LIMS1: variants seen among roughly 807,000 people sequenced by gnomAD.
LIMS1 encodes LIM zinc finger domain containing 1.
LIMS1 carries 18 observed loss-of-function variants against 44.1 expected under a neutral mutation model. The observed-to-expected ratio is 0.41, with a 90% CI of 0.28 to 0.61. The LOEUF is 0.61. Among genes scored for constraint, LIMS1 ranks in the 20% least tolerant of loss-of-function variants. LIMS1 has a pLI of 0.32. For synonymous variants in LIMS1, 93 were observed against 149.1 expected, an observed-to-expected ratio of 0.62 and a Z score of 2.74; for missense variants, 201 against 422.0, an observed-to-expected ratio of 0.48 and a Z score of 4.59.
At chr2:108,572,018 A>G (rs1451515449) in intron 1 of LIMS1, among the ~76,000 whole-genome samples, 3 of 152,230 alleles carry the variant, frequency 2.0e-5, no homozygotes, top group South Asian at 4.1e-4. Context: ...TAGTGTAGCA[A>G]TGCCAAAACT....
chr2:108,591,053 G>A (rs546145274), intron 1 of LIMS1, among the ~76,000 whole-genome samples: 2 of 152,314 alleles, frequency 1.3e-5, no homozygotes, highest in African/African-American at 4.8e-5. Flanking sequence ...CTTGAGGGCA[G>A]TGTAAAGTTT....
intron 2 of LIMS1, among the ~76,000 whole-genome samples, chr2:108,661,746 G>A (rs1025680351): frequency 1.3e-5 from 2 of 152,102 alleles, no homozygotes; most frequent in African/African-American, 4.8e-5. Flanking sequence ...CTTCTACCTC[G>A]GCACCATGGA....
exon 6 of LIMS1, chr2:108,675,977 G>T (rs753234575): frequency 4.3e-6 from 7 of 1,614,040 alleles, no homozygotes; most frequent in Non-Finnish European, 5.9e-6. Flanking sequence ...CTTGCCGACG[G>T]CCCATCGAAG....
intron 1 of LIMS1, among the ~76,000 whole-genome samples, chr2:108,601,807 G>A (rs1386697019): frequency 2.0e-5 from 3 of 152,208 alleles, no homozygotes; most frequent in Non-Finnish European, 4.4e-5. Context: ...GTGAGCCACT[G>A]CACCCAGCCT....
At chr2:108,669,444 T>A (rs1692013899) in intron 2 of LIMS1, among the ~76,000 whole-genome samples, 1 of 152,106 alleles carries the variant, frequency 6.6e-6, no homozygotes, top group Non-Finnish European at 1.5e-5. Flanking sequence ...GAAAATCTGC[T>A]TTGGTTGGTT....
chr2:108,586,581 G>T (rs1000992466), intron 1 of LIMS1, among the ~76,000 whole-genome samples: 1 of 152,174 alleles, frequency 6.6e-6, no homozygotes. Flanking sequence ...TGCGAGTGGC[G>T]CATGGCTTCA....
intron 1 of LIMS1, among the ~76,000 whole-genome samples, chr2:108,591,295 T>C (rs1031760592): frequency 1.1e-4 from 16 of 152,062 alleles, no homozygotes; most frequent in African/African-American, 3.9e-4. Flanking sequence ...ATGCCAGATG[T>C]GTGAACATCC....
intron 7 of LIMS1, chr2:108,677,187 T>G (rs1395360098): frequency 6.5e-6 from 1 of 153,372 alleles, no homozygotes; most frequent in Admixed American, 6.5e-5. Context: ...GCTGTGATGT[T>G]TCTTTAGCCT....
chr2:108,648,366 A>C (rs778273043), intron 1 of LIMS1, among the ~76,000 whole-genome samples: 3 of 152,098 alleles, frequency 2.0e-5, no homozygotes, highest in Non-Finnish European at 2.9e-5. Flanking sequence ...GGAAGAATCA[A>C]TTTTGGGCTA....
intron 1 of LIMS1, among the ~76,000 whole-genome samples, chr2:108,631,832 A>G (rs889520628): frequency 6.6e-6 from 1 of 152,196 alleles, no homozygotes; most frequent in African/African-American, 2.4e-5. Context: ...GACCAAGACC[A>G]CACTTCTGTC....
intron 1 of LIMS1, among the ~76,000 whole-genome samples, chr2:108,653,795 T>C (rs969930695): frequency 5.1e-5 from 7 of 136,878 alleles, no homozygotes; most frequent in Non-Finnish European, 9.5e-5. Flanking sequence ...CATCAATCAA[T>C]ATATGTAAGA....
At chr2:108,580,198 G>A (rs372443565) in intron 1 of LIMS1, among the ~76,000 whole-genome samples, 2 of 152,196 alleles carry the variant, frequency 1.3e-5, no homozygotes, top group African/African-American at 4.8e-5. Context: ...CGGTGTCTCT[G>A]CAGAACTTGT....
intron 1 of LIMS1, among the ~76,000 whole-genome samples, chr2:108,576,763 G>C (rs1010177675): frequency 2.6e-5 from 4 of 152,132 alleles, no homozygotes; most frequent in African/African-American, 9.7e-5. Context: ...GAAGCTAAGG[G>C]ACAAAGTTCC....
In LIMS1 at chr2:108,618,087, G is replaced by A. The variant is rs541192357; in HGVS notation, c.33-41518G>A. ...TGTCCATGAAGAGACAAACTCCCAG[G>A]TCATAGATATTGTATAGGGATGAGG... On this transcript the variant is annotated intron_variant, in intron 1 of 9. Coordinates refer to ENST00000544547, the Ensembl canonical transcript of LIMS1. 5.3e-5 allele frequency among the ~76,000 whole-genome samples: 8 copies of A among 152,164 alleles called. 1 individual carries two copies. In the South Asian group the frequency reaches 1.7e-3, roughly 32 times the overall value.
chr2:108,591,548 C>T (rs1686393457), intron 1 of LIMS1, among the ~76,000 whole-genome samples: 1 of 152,110 alleles, frequency 6.6e-6, no homozygotes, highest in African/African-American at 2.4e-5. Flanking sequence ...CAGCCTTGAC[C>T]TCCTGGGCTC....
At chr2:108,677,036 A>G (rs955500238) in intron 7 of LIMS1, 1 of 226,034 alleles carries the variant, frequency 4.4e-6, no homozygotes, top group Non-Finnish European at 8.7e-6. Flanking sequence ...TTCAGTGTAT[A>G]TTTCCCAAGA....
intron 1 of LIMS1, among the ~76,000 whole-genome samples, chr2:108,625,730 C>A (rs1009939742): frequency 2.6e-5 from 4 of 152,210 alleles, no homozygotes; most frequent in African/African-American, 9.7e-5. Flanking sequence ...AAGTAGTACC[C>A]TTCTCCTGAT....
At chr2:108,646,139 C>T (rs566404294) in intron 1 of LIMS1, among the ~76,000 whole-genome samples, 5 of 152,166 alleles carry the variant, frequency 3.3e-5, no homozygotes, top group African/African-American at 9.6e-5. Flanking sequence ...CTGGACCAAG[C>T]GGGCCTAATA....
intron 5 of LIMS1, among the ~76,000 whole-genome samples, chr2:108,674,189 G>T (rs1464976088): frequency 6.6e-6 from 1 of 151,812 alleles, no homozygotes; most frequent in East Asian, 1.9e-4. Flanking sequence ...AATTAGCCGG[G>T]CACGGTGGCG....
Sources: allele counts gnomAD v4.1 joint callset (sites outside exome capture counted in the v4.1 genomes callset), GRCh38; gene constraint gnomAD v4.1.1; transcripts MANE v1.5; gene names NCBI Gene and HGNC (gene_info 2026-07-23, HGNC 2026-07-21).